Variants in PIP5K1C observed in about 807,000 individuals in gnomAD.
PIP5K1C encodes phosphatidylinositol 4-phosphate 5-kinase type-1 gamma.
PIP5K1C carries 45 observed loss-of-function variants against 80.1 expected under a neutral mutation model. The observed-to-expected ratio is 0.56, with a 90% CI of 0.44 to 0.72. The LOEUF (loss-of-function observed/expected upper bound fraction) is 0.72, where lower values mean the gene tolerates loss of function less well. Ranked by LOEUF, PIP5K1C falls within the 30% of genes least tolerant of loss-of-function variation. PIP5K1C has a pLI of 0.00. For synonymous variants in PIP5K1C, 498 were observed against 420.1 expected, an observed-to-expected ratio of 1.19 and a Z score of -2.27; for missense variants, 753 against 954.6, an observed-to-expected ratio of 0.79 and a Z score of 2.78.
At chr19:3,636,612 G>A in intron 16 of PIP5K1C, 4 of 985,686 alleles carry the variant, frequency 4.1e-6, no homozygotes, top group Non-Finnish European at 4.8e-6. Flanking sequence ...CCGGGGCACG[G>A]CTTCGCGGTG....
At chr19:3,638,022 G>C (rs1337321334) in intron 16 of PIP5K1C, 2 of 1,495,602 alleles carry the variant, frequency 1.3e-6, no homozygotes, top group Non-Finnish European at 1.8e-6. Context: ...GACAGAGCAG[G>C]GGAGTTAGTT....
intron 8 of PIP5K1C, chr19:3,649,908 G>T (rs1246430875): frequency 3.7e-6 from 1 of 273,750 alleles, no homozygotes; most frequent in Non-Finnish European, 7.2e-6. Flanking sequence ...GGCCACACGT[G>T]CAGCAGTCAT....
Position 3,637,113 on chromosome 19 carries a change from G to A in PIP5K1C, c.1920+1771C>T. On this transcript the variant is annotated intron_variant, in intron 16 of 17. Transcript: ENST00000335312. The surrounding 1 kb of genome is among the most constrained non-coding windows in gnomAD (Gnocchi z 7.0). Reference sequence around the variant, plus strand: ...AGCCCGGCCCTGCAGCCACTCTGCTGACCTGTGCAACCTCCCCTGTGCAGC... The same window carrying A: ...AGCCCGGCCCTGCAGCCACTCTGCTAACCTGTGCAACCTCCCCTGTGCAGC... 2.2e-6 allele frequency: 3 copies of A among 1,348,846 alleles called. No homozygotes were observed. Among genetic ancestry groups the A allele is most frequent in the Non-Finnish European group, 2.9e-6 (3 of 1,046,930 alleles). 83.6% of individuals were successfully genotyped at this position (1,348,846 alleles called of 1,614,324 possible).
chr19:3,667,498 A>G, intron 1 of PIP5K1C, 145 bp from the exon 2 acceptor site: 1 of 883,644 alleles, frequency 1.1e-6, no homozygotes, highest in Non-Finnish European at 1.9e-6. Context: ...ACACAAGTGA[A>G]GACATGGACT....
intron 16 of PIP5K1C, chr19:3,638,003 G>A (rs976386271): frequency 6.3e-5 from 96 of 1,517,760 alleles, no homozygotes; most frequent in Non-Finnish European, 7.6e-5. Flanking sequence ...CCCCAGAGGC[G>A]CCACTGGAGA....
chr19:3,638,118 GAAC>G, intron 16 of PIP5K1C: 1 of 1,342,056 alleles, frequency 7.5e-7, no homozygotes, highest in Non-Finnish European at 9.8e-7. Flanking sequence ...TGCAGGGTGA[GAAC>G]AAACCATCTG....
rs1237344404 is a variant in PIP5K1C, at chr19:3,656,572, G to A, written c.469-15C>T. ...CACAGGGAGTACTGGAAGCAGAGGA[G>A]GCGGGTCAGCGGGCCCCAAGCTGCC... On this transcript the variant is annotated splice_polypyrimidine_tract_variant and intron_variant, in intron 5 of 17. Transcript: ENST00000335312. 6.2e-7 allele frequency: 1 copy of A among 1,612,978 alleles called. No homozygotes were observed.
At chr19:3,687,969 C>A (rs1010525818) in intron 1 of PIP5K1C, among the ~76,000 whole-genome samples, 3 of 152,234 alleles carry the variant, frequency 2.0e-5, no homozygotes, top group African/African-American at 7.2e-5. Context: ...GCTCCACTCT[C>A]AGCACCAAGC....
intron 14 of PIP5K1C, among the ~76,000 whole-genome samples, chr19:3,642,652 T>C (rs1439301410): frequency 6.6e-6 from 1 of 152,028 alleles, no homozygotes; most frequent in Non-Finnish European, 1.5e-5. Flanking sequence ...GTATCTTGTT[T>C]TAAGTTAAAA....
At chr19:3,639,052 A>G in intron 15 of PIP5K1C, 36 bp from the exon 16 acceptor site, 1 of 1,604,570 alleles carries the variant, frequency 6.2e-7, no homozygotes, top group Non-Finnish European at 8.5e-7. Context: ...CTTGACCCTC[A>G]GGCCCCACAC....
intron 17 of PIP5K1C, 93 bp downstream of exon 17, chr19:3,633,344 G>T: frequency 9.9e-7 from 1 of 1,007,492 alleles, no homozygotes. Context: ...CCCGCCCCGG[G>T]CCTCAGTCCC....
At position 3,637,939 on chromosome 19, in the gene PIP5K1C, C is replaced by T; in HGVS notation, c.1920+945G>A. On this transcript the variant is annotated intron_variant, in intron 16 of 17. Coordinates refer to ENST00000335312, the MANE Select transcript of PIP5K1C (RefSeq NM_012398.3). This position sits in a 1 kb window ranked among gnomAD's most constrained non-coding sequence, Gnocchi z 7.0. ...GGTGACGACGTGCGGTGGGTAGGGGCACAGGCACGCGGCCCGTCCCTCCCT... is the reference window on the plus strand; with the variant it reads ...GGTGACGACGTGCGGTGGGTAGGGGTACAGGCACGCGGCCCGTCCCTCCCT... 6.5e-7 allele frequency: 1 copy of T among 1,535,010 alleles called. No homozygotes were observed. The highest frequency in any genetic ancestry group is 2.4e-5 in the East Asian group (1 of 40,900).
At chr19:3,633,759 G>A (rs1017504901) in intron 16 of PIP5K1C, among the ~76,000 whole-genome samples, 1 of 152,164 alleles carries the variant, frequency 6.6e-6, no homozygotes, top group African/African-American at 2.4e-5. Context: ...GCAGAAAGCA[G>A]TTAGTTCAGT....
intron 2 of PIP5K1C, among the ~76,000 whole-genome samples, chr19:3,666,799 G>C (rs934334102): frequency 6.6e-6 from 1 of 151,408 alleles, no homozygotes; most frequent in African/African-American, 2.4e-5. Context: ...ACACAAACGT[G>C]CACACACGCA....
chr19:3,699,461 T>TG (rs1266086710), intron 1 of PIP5K1C, among the ~76,000 whole-genome samples: 1 of 151,878 alleles, frequency 6.6e-6, no homozygotes, highest in Non-Finnish European at 1.5e-5. Context: ...TCGGGAGGCC[T>TG]GGGGGGAGAA....
At chr19:3,639,276 C>T (rs1057251280) in intron 15 of PIP5K1C, among the ~76,000 whole-genome samples, 5 of 152,252 alleles carry the variant, frequency 3.3e-5, no homozygotes, top group Admixed American at 3.3e-4. Context: ...CTGCCACTCC[C>T]AGCTCAGACA....
rs767168338 is a variant in PIP5K1C at position 3,648,760 on chromosome 19, G to C, written c.1128-52C>G. The C allele has an allele frequency of 7.3e-6, 11 of 1,506,680 alleles. No homozygotes were observed. In the Admixed American group the frequency reaches 1.7e-4, roughly 23 times the overall value. The allele number at this position is 1,506,680 out of a possible 1,614,324, so 93.3% of individuals were successfully genotyped here. The stretch of plus-strand genomic sequence containing the variant: ...CAGCATCCCGCAGAGCTGGGACTCG[G>C]GGCAGGCGGGGCTGGGGACTCCAGG... On this transcript the variant is annotated intron_variant, in intron 8 of 17. Transcript: ENST00000335312. The surrounding 1 kb of genome is among the most constrained non-coding windows in gnomAD (Gnocchi z 4.3).
intron 1 of PIP5K1C, among the ~76,000 whole-genome samples, chr19:3,672,405 C>T (rs575972421): frequency 8.5e-5 from 13 of 152,366 alleles, no homozygotes; most frequent in Admixed American, 7.2e-4. Flanking sequence ...CTGGGGGCTC[C>T]CTCAGGACGG....
chr19:3,694,156 G>C (rs1363782225), intron 1 of PIP5K1C, among the ~76,000 whole-genome samples: 1 of 150,170 alleles, frequency 6.7e-6, no homozygotes, highest in Non-Finnish European at 1.5e-5. Flanking sequence ...AGCTTGCAGT[G>C]AGCCGAGAAC....
Sources: gnomAD v4.1 joint callset for allele counts (sites outside exome capture counted in the v4.1 genomes callset) on GRCh38, gnomAD v4.1.1 for gene constraint, Gnocchi (gnomAD v3.1) non-coding constraint, MANE v1.5 for transcripts, NCBI Gene and HGNC (gene_info 2026-07-23, HGNC 2026-07-21) for gene names.